The following RPL36AL variants were observed in gnomAD, a reference collection of about 807,000 sequenced individuals.
The protein encoded by RPL36AL is ribosomal protein L36a like.
RPL36AL carries 8 observed loss-of-function variants against 7.9 expected under a neutral mutation model. The observed-to-expected ratio is 1.02, with a 90% CI of 0.60 to 1.84. The LOEUF is 1.84. RPL36AL is among the 40% of genes most tolerant of loss of function. The probability of loss-of-function intolerance (pLI) is 0.00; values close to 1 mark genes in which losing one functional copy is unlikely to be tolerated. For synonymous variants in RPL36AL, 44 were observed against 44.8 expected (o/e 0.98, Z 0.07); for missense variants, 76 against 126.8 (o/e 0.60, Z 1.93).
At chr14:49,619,636 A>C (rs372566780) in intron 1 of RPL36AL, among the ~76,000 whole-genome samples, 2 of 95,254 alleles carry the variant, frequency 2.1e-5, no homozygotes, top group African/African-American at 3.9e-5. Flanking sequence ...GTCTCAAAAA[A>C]AAAAAAGAAC....
Position 49,620,572 on chromosome 14 carries a change from C to G in RPL36AL, c.-47G>C. ...TCGTTCTTAGCTTACCGAGAAACAGCGCCCGACACCTGGCCCTTCGCAGCT... is the reference window on the plus strand; with the variant it reads ...TCGTTCTTAGCTTACCGAGAAACAGGGCCCGACACCTGGCCCTTCGCAGCT... On this transcript the variant is annotated 5_prime_UTR_variant, in exon 1 of 2. Coordinates refer to ENST00000298289, the MANE Select transcript of RPL36AL (RefSeq NM_001001.5). The G allele has an allele frequency of 5.3e-6, 1 of 188,228 alleles. No individual in the cohort carries two copies. The highest frequency in any genetic ancestry group is 1.1e-4 in the South Asian group (1 of 8,840). 11.7% of individuals were successfully genotyped at this position (188,228 alleles called of 1,614,324 possible).
Position 49,619,069 on chromosome 14 carries a change from A to C in RPL36AL, c.36T>G (p.Cys12Trp). ...GAGGCTGATGCTTGCCACACTTCTT[A>C]CAGAAGGTTCTTCGGGTTTTAGGTA... ...VNVPKTRRTF[C>W]KKCGKHQPHK... The change falls in exon 2 of 2, where the codon TGT becomes TGG. Residue 12 changes from cysteine (C) to tryptophan (W), a missense_variant. Coordinates refer to ENST00000298289, the MANE Select transcript of RPL36AL (RefSeq NM_001001.5). 6.2e-7 allele frequency: 1 copy of C among 1,613,098 alleles called. No homozygotes were observed. Among genetic ancestry groups the C allele is most frequent in the African/African-American group, 1.3e-5 (1 of 75,012 alleles).
chr14:49,619,635 A>G (rs932512288), intron 1 of RPL36AL, among the ~76,000 whole-genome samples: 2 of 151,892 alleles, frequency 1.3e-5, no homozygotes, highest in Non-Finnish European at 2.9e-5. Context: ...CGTCTCAAAA[A>G]AAAAAAAGAA....
chr14:49,619,107 T>C lies in RPL36AL; in HGVS notation c.-3A>G. ...CGGGTTTTAGGTACGTTGACCATCT[T>C]TGCAGCAGGGCTGTTTTGTCTATAT... On this transcript the variant is annotated 5_prime_UTR_variant, in exon 2 of 2. Transcript: ENST00000298289. The C allele has an allele frequency of 6.2e-7, 1 of 1,604,292 alleles. No individual in the cohort carries two copies. Among genetic ancestry groups the C allele is most frequent in the Non-Finnish European group, 8.5e-7 (1 of 1,173,054 alleles).
Position 49,619,028 on chromosome 14 carries a change from T to C in RPL36AL, c.77A>G (p.Tyr26Cys), listed in dbSNP as rs1357698301. ...ATACAAAGAATCCTTGCCCTTCTTA[T>C]ACTGTGTCACTTTGTGAGGCTGATG... ...GKHQPHKVTQ[Y>C]KKGKDSLYAQ... Residue 26 changes from tyrosine to cysteine, a missense_variant, in exon 2 of 2, where the codon TAT (tyrosine) becomes TGT (cysteine). Physicochemically the swap from Tyr to Cys is radical, Grantham distance 194. Coordinates refer to ENST00000298289, the MANE Select transcript of RPL36AL (RefSeq NM_001001.5). The C allele has an allele frequency of 1.9e-6, 3 of 1,614,018 alleles. No homozygotes were observed. The highest frequency in any genetic ancestry group is 2.2e-5 in the East Asian group (1 of 44,894).
chr14:49,618,614 A>C lies in RPL36AL; in HGVS notation c.*170T>G, dbSNP rs528184904. On this transcript the variant is annotated 3_prime_UTR_variant, in exon 2 of 2. Coordinates refer to ENST00000298289, the MANE Select transcript of RPL36AL (RefSeq NM_001001.5). ...TAGTATTTTCCCTTCATACATATAT[A>C]AACTTGTTAGTAAAGTTTGAGGTGG... 4 of 605,654 alleles carry C rather than the reference A, an allele frequency of 6.6e-6. No individual in the cohort carries two copies. Among genetic ancestry groups the C allele is most frequent in the Non-Finnish European group, 1.2e-5 (4 of 344,822 alleles). The allele number at this position is 605,654 out of a possible 1,614,324, so 37.5% of individuals were successfully genotyped here.
rs1882754799 is a variant in RPL36AL, at chr14:49,619,146, G to A, written c.-36-6C>T. 5.3e-6 allele frequency: 8 copies of A among 1,521,482 alleles called. No homozygotes were observed. The highest frequency in any genetic ancestry group is 7.1e-6 in the Non-Finnish European group (8 of 1,127,080). 94.2% of individuals were successfully genotyped at this position (1,521,482 alleles called of 1,614,324 possible). On this transcript the variant is annotated splice_region_variant and splice_polypyrimidine_tract_variant and intron_variant, in intron 1 of 1. Transcript: ENST00000298289. ...TTTTGTCTATATGATGAAAACTGTA[G>A]TAAAATATTTAAAATAAGATAGCAG...
intron 1 of RPL36AL, among the ~76,000 whole-genome samples, chr14:49,620,352 C>G (rs574487559): frequency 2.6e-5 from 4 of 152,382 alleles, no homozygotes; most frequent in African/African-American, 7.2e-5. Context: ...GCCTCGAGGG[C>G]TGACGTGTCC....
rs1163027352 is a variant in RPL36AL at position 49,618,978 on chromosome 14, G to A, written c.127C>T (p.Arg43Trp). ...LYAQGRRRYD[R>W]KQSGYGGQTK... ...TGCCCACCATAGCCACTCTGCTTCCGATCATAGCGCCTCCTTCCCTGGGCA... is the reference window on the plus strand; with the variant it reads ...TGCCCACCATAGCCACTCTGCTTCCAATCATAGCGCCTCCTTCCCTGGGCA... Residue 43 changes from arginine to tryptophan, a missense_variant, in exon 2 of 2, where the codon CGG becomes TGG. Transcript: ENST00000298289. 3 of 1,613,806 alleles carry A rather than the reference G, an allele frequency of 1.9e-6. No homozygotes were observed. Among genetic ancestry groups the A allele is most frequent in the Admixed American group, 1.7e-5 (1 of 59,992 alleles).
Position 49,620,589 on chromosome 14 carries a change from T to G in RPL36AL, c.-64A>C, listed in dbSNP as rs771503863. ...AGAAACAGCGCCCGACACCTGGCCC[T>G]TCGCAGCTCTCGCCTTTCGCAGCTC... On this transcript the variant is annotated 5_prime_UTR_variant, in exon 1 of 2. Coordinates refer to ENST00000298289, the MANE Select transcript of RPL36AL (RefSeq NM_001001.5). 4.9e-6 allele frequency: 1 copy of G among 203,170 alleles called. No homozygotes were observed. The highest frequency in any genetic ancestry group is 2.3e-5 in the African/African-American group (1 of 42,980). 12.6% of individuals were successfully genotyped at this position (203,170 alleles called of 1,614,324 possible).
At chr14:49,619,423 G>T (rs190350649) in intron 1 of RPL36AL, among the ~76,000 whole-genome samples, 1 of 152,266 alleles carries the variant, frequency 6.6e-6, no homozygotes, top group South Asian at 2.1e-4. Flanking sequence ...CGAGAAGGGC[G>T]GATCACCTGA....
rs150128990 is a variant in RPL36AL at position 49,619,090 on chromosome 14, A to G, written c.15T>C (p.Pro5=). The G allele has an allele frequency of 4.9e-5, 79 of 1,610,324 alleles. 1 individual carries two copies. In the African/African-American group the frequency reaches 9.8e-4, roughly 20 times the overall value. The change falls in exon 2 of 2, where the codon CCT becomes CCC. Residue 5 remains proline (P), a synonymous_variant. Transcript: ENST00000298289. The part of the protein sequence containing the change: MVNV[P]KTRRTFCKKC... ...TCTTACAGAAGGTTCTTCGGGTTTT[A>G]GGTACGTTGACCATCTTTGCAGCAG... is the stretch of plus-strand genomic sequence containing the variant.
chr14:49,619,526 T>C (rs182611516), intron 1 of RPL36AL, among the ~76,000 whole-genome samples: 1 of 151,024 alleles, frequency 6.6e-6, no homozygotes, highest in African/African-American at 2.4e-5. Flanking sequence ...GGTGCATACC[T>C]GTAAGGAGAA....
intron 1 of RPL36AL, among the ~76,000 whole-genome samples, 162 bp downstream of exon 1, chr14:49,620,400 A>G (rs1882799211): frequency 6.6e-6 from 1 of 152,244 alleles, no homozygotes. Context: ...TATAGCCGCC[A>G]TGCCTGAGAC....
chr14:49,620,333 C>T (rs1266149722), intron 1 of RPL36AL, among the ~76,000 whole-genome samples: 2 of 152,252 alleles, frequency 1.3e-5, no homozygotes, highest in African/African-American at 4.8e-5. Context: ...GCACAGTCAC[C>T]CGTCAGCAGC....
In RPL36AL at chr14:49,618,899, C is replaced by T; in HGVS notation, c.206G>A (p.Arg69Lys). ...KAKTTKKIVL[R>K]LECVEPNCRS... ...GCAGTTAGGCTCAACACATTCCAGC[C>T]TTAGCACAATCTTCTTTGTGGTCTT... is the stretch of plus-strand genomic sequence containing the variant. The change falls in exon 2 of 2, where the codon AGG (arginine) becomes AAG (lysine). Residue 69 changes from arginine to lysine, a missense_variant. Arg to Lys is a conservative substitution (Grantham distance 26). Transcript: ENST00000298289. The T allele has an allele frequency of 6.2e-7, 1 of 1,612,988 alleles. No individual in the cohort carries two copies. The highest frequency in any genetic ancestry group is 2.2e-5 in the East Asian group (1 of 44,886).
At chr14:49,620,317 T>G (rs996385621) in intron 1 of RPL36AL, among the ~76,000 whole-genome samples, 2 of 151,870 alleles carry the variant, frequency 1.3e-5, no homozygotes, top group African/African-American at 2.4e-5. Context: ...ACTTTTCCCC[T>G]CCGAAGCACA....
chr14:49,619,154 T>C lies in RPL36AL; in HGVS notation c.-36-14A>G. 2.7e-6 allele frequency: 4 copies of C among 1,506,734 alleles called. No individual in the cohort carries two copies. The highest frequency in any genetic ancestry group is 3.6e-6 in the Non-Finnish European group (4 of 1,116,048). 93.3% of individuals were successfully genotyped at this position (1,506,734 alleles called of 1,614,324 possible). On this transcript the variant is annotated splice_polypyrimidine_tract_variant and intron_variant, in intron 1 of 1. Coordinates refer to ENST00000298289, the MANE Select transcript of RPL36AL (RefSeq NM_001001.5). Reference sequence around the variant, plus strand: ...ATATGATGAAAACTGTAGTAAAATATTTAAAATAAGATAGCAGACGTTAAA... The same window carrying C: ...ATATGATGAAAACTGTAGTAAAATACTTAAAATAAGATAGCAGACGTTAAA...
chr14:49,619,967 T>C lies in RPL36AL; in HGVS notation c.-37+595A>G, dbSNP rs138441850. ...GCTGTCTCTCTGGGCCCGGCAAATT[T>C]TGCACATCTCAAATAATTAACAATG... On this transcript the variant is annotated intron_variant, in intron 1 of 1. Transcript: ENST00000298289. Among the ~76,000 whole-genome samples, 20 of 152,234 alleles carry C rather than the reference T, an allele frequency of 1.3e-4. No homozygotes were observed. In the East Asian group the frequency reaches 3.7e-3, roughly 28 times the overall value.
Sources: gnomAD v4.1 joint callset for allele counts (sites outside exome capture counted in the v4.1 genomes callset) on GRCh38, gnomAD v4.1.1 for gene constraint, MANE v1.5 for transcripts, NCBI Gene and HGNC (gene_info 2026-07-23, HGNC 2026-07-21) for gene names.